Variants in PHACTR3 observed in about 807,000 individuals in gnomAD.
The protein encoded by PHACTR3 is phosphatase and actin regulator 3.
PHACTR3 carries 16 observed loss-of-function variants against 66.8 expected under a neutral mutation model. The observed-to-expected ratio is 0.24, with a 90% CI of 0.16 to 0.36. The LOEUF is 0.36. Ranked by LOEUF, PHACTR3 falls within the 10% of genes least tolerant of loss-of-function variation. The pLI, the probability that PHACTR3 is intolerant of heterozygous loss-of-function variation, is 1.00. For missense variants in PHACTR3, 647 were observed against 719.9 expected, an observed-to-expected ratio of 0.90 and a Z score of 1.16; for synonymous variants, 323 against 292.1, an observed-to-expected ratio of 1.11 and a Z score of -1.08.
intron 4 of PHACTR3, among the ~76,000 whole-genome samples, chr20:59,761,585 T>C (rs2146845916): frequency 6.6e-6 from 1 of 152,350 alleles, no homozygotes; most frequent in East Asian, 1.9e-4. Flanking sequence ...GTTTTTCCTC[T>C]TGTTTAAGTT....
chr20:59,579,157 C>T (rs527403272), intron 1 of PHACTR3, among the ~76,000 whole-genome samples: 15 of 152,336 alleles, frequency 9.8e-5, no homozygotes, highest in African/African-American at 2.6e-4. Context: ...TCCTAACCTT[C>T]GGCAGCTTGG....
chr20:59,577,550 C>A, exon 1 of PHACTR3: 1 of 1,189,582 alleles, frequency 8.4e-7, no homozygotes, highest in Non-Finnish European at 1.0e-6. Flanking sequence ...GTCCTGCGCC[C>A]CTGCGCTCGC....
At chr20:59,724,209 C>G (rs1344020646) in intron 1 of PHACTR3, among the ~76,000 whole-genome samples, 1 of 152,084 alleles carries the variant, frequency 6.6e-6, no homozygotes, top group African/African-American at 2.4e-5. Flanking sequence ...CATTTCAACC[C>G]CCAAAAGGAC....
chr20:59,680,629 A>G (rs1266820192), intron 1 of PHACTR3, among the ~76,000 whole-genome samples: 1 of 152,148 alleles, frequency 6.6e-6, no homozygotes, highest in African/African-American at 2.4e-5. Context: ...GCGGCGCAAC[A>G]CAAATTTGTA....
intron 1 of PHACTR3, among the ~76,000 whole-genome samples, chr20:59,732,037 T>C (rs745548278): frequency 4.6e-5 from 7 of 152,188 alleles, no homozygotes; most frequent in Non-Finnish European, 8.8e-5. Flanking sequence ...GTCTGATAGG[T>C]CTGTTTAGGA....
chr20:59,703,007 T>TGGATTTAAAAGAGATTTAAAG (rs1399905850), intron 1 of PHACTR3, among the ~76,000 whole-genome samples: 2 of 152,180 alleles, frequency 1.3e-5, no homozygotes, highest in Admixed American at 1.3e-4. Flanking sequence ...TTCAAAGAGA[T>TGGATTTAAAAGAGATTTAAAG]CCTCTTTTAA....
chr20:59,826,369 G>T (rs1056434636), intron 8 of PHACTR3, among the ~76,000 whole-genome samples: 2 of 152,196 alleles, frequency 1.3e-5, no homozygotes, highest in African/African-American at 4.8e-5. Flanking sequence ...CCAGCATCTT[G>T]GTTCTTCCCA....
chr20:59,796,670 C>G (rs6027117), intron 7 of PHACTR3, among the ~76,000 whole-genome samples: 4,689 of 152,256 alleles, frequency 0.031, 223 homozygotes, highest in African/African-American at 0.11. Flanking sequence ...CTCTTATCAT[C>G]CCATTCTCTC....
At chr20:59,735,502 T>C (rs1333677512) in intron 1 of PHACTR3, among the ~76,000 whole-genome samples, 1 of 152,066 alleles carries the variant, frequency 6.6e-6, no homozygotes, top group Non-Finnish European at 1.5e-5. Flanking sequence ...CAATATGTTT[T>C]TGGGGAATTT....
chr20:59,763,206 G>GGT (rs1160072519), intron 4 of PHACTR3, among the ~76,000 whole-genome samples: 36 of 152,286 alleles, frequency 2.4e-4, no homozygotes, highest in African/African-American at 8.7e-4. Context: ...CCCTTCACTT[G>GGT]GTACATGTCC....
intron 1 of PHACTR3, among the ~76,000 whole-genome samples, chr20:59,651,317 G>C (rs1044188167): frequency 1.3e-5 from 2 of 152,202 alleles, no homozygotes; most frequent in Admixed American, 6.5e-5. Context: ...AATAAATTAA[G>C]TCACTGAATC....
chr20:59,709,933 G>A (rs1372956377), intron 1 of PHACTR3, among the ~76,000 whole-genome samples: 1 of 152,130 alleles, frequency 6.6e-6, no homozygotes, highest in Non-Finnish European at 1.5e-5. Flanking sequence ...AGTGATATGG[G>A]ACATGGTCTT....
chr20:59,751,857 T>C (rs1300698513), intron 3 of PHACTR3, among the ~76,000 whole-genome samples: 2 of 152,056 alleles, frequency 1.3e-5, no homozygotes, highest in Admixed American at 1.3e-4. Flanking sequence ...TATCCGTGAC[T>C]AAGTGAGGCC....
intron 8 of PHACTR3, among the ~76,000 whole-genome samples, chr20:59,826,634 C>T (rs2042199632): frequency 6.6e-6 from 1 of 151,954 alleles, no homozygotes; most frequent in East Asian, 1.9e-4. Flanking sequence ...CTCATACCCA[C>T]TCTCCCACAC....
chr20:59,812,256 C>T lies in PHACTR3; in HGVS notation c.1328+6062C>T, dbSNP rs558257558. Among the ~76,000 whole-genome samples, 6 of 152,336 alleles carry T rather than the reference C, an allele frequency of 3.9e-5. No individual in the cohort carries two copies. In the South Asian group the frequency reaches 6.2e-4, roughly 16 times the overall value. On this transcript the variant is annotated intron_variant, in intron 8 of 12. Coordinates refer to ENST00000371015, the MANE Select transcript of PHACTR3 (RefSeq NM_080672.5). ...ATTCCCCTTGGGGCGTTCTTTGCTC[C>T]CAGGAACGTGTGTGAGAAGCTGATT...
chr20:59,823,616 C>T (rs2042109782), intron 8 of PHACTR3, among the ~76,000 whole-genome samples: 1 of 152,220 alleles, frequency 6.6e-6, no homozygotes, highest in Non-Finnish European at 1.5e-5. Flanking sequence ...CTGGATGTGT[C>T]TCCTCCAAGT....
chr20:59,708,009 A>G (rs1255505455), intron 1 of PHACTR3, among the ~76,000 whole-genome samples: 1 of 152,250 alleles, frequency 6.6e-6, no homozygotes, highest in Non-Finnish European at 1.5e-5. Flanking sequence ...ACAGTTCCAG[A>G]AAAAGTCCTG....
At chr20:59,836,632 C>T (rs2058972440) in intron 9 of PHACTR3, 72 bp downstream of exon 9, 4 of 1,473,516 alleles carry the variant, frequency 2.7e-6, no homozygotes, top group Non-Finnish European at 3.7e-6. Context: ...TCCTGAGTTC[C>T]CATAACCCAG....
intron 1 of PHACTR3, among the ~76,000 whole-genome samples, chr20:59,636,126 GTATT>G (rs2034894898): frequency 6.6e-6 from 1 of 152,080 alleles, no homozygotes; most frequent in African/African-American, 2.4e-5. Flanking sequence ...TCACTTTTAT[GTATT>G]TATTTTTTTA....
Sources: allele counts gnomAD v4.1 joint callset (sites outside exome capture counted in the v4.1 genomes callset), GRCh38; gene constraint gnomAD v4.1.1; transcripts MANE v1.5; gene names NCBI Gene and HGNC (gene_info 2026-07-23, HGNC 2026-07-21).